Variants in GLB1L observed in about 807,000 individuals in gnomAD.
GLB1L encodes the protein galactosidase beta 1 like.
GLB1L carries 58 observed loss-of-function variants against 75.7 expected under a neutral mutation model. The observed-to-expected ratio is 0.77, with a 90% CI of 0.62 to 0.95. GLB1L has a LOEUF of 0.95. Among genes scored for constraint, GLB1L ranks in the 40% least tolerant of loss-of-function variants. GLB1L has a pLI of 0.00. For synonymous variants in GLB1L, 296 were observed against 303.0 expected, an observed-to-expected ratio of 0.98 and a Z score of 0.24; for missense variants, 797 against 805.5, an observed-to-expected ratio of 0.99 and a Z score of 0.13.
chr2:219,238,697 G>A lies in GLB1L; in HGVS notation c.1137+8C>T. 1 of 1,613,418 alleles carries A rather than the reference G, an allele frequency of 6.2e-7. No homozygotes were observed. Among genetic ancestry groups the A allele is most frequent in the Non-Finnish European group, 8.5e-7 (1 of 1,179,540 alleles). ...GTGGTATAAGAGAAAAGATGTGGAG[G>A]AACTTACCAGGTGCAGAGTCACAGG... is the stretch of plus-strand genomic sequence containing the variant. On this transcript the variant is annotated splice_region_variant and intron_variant, in intron 12 of 16. Transcript: ENST00000295759.
In GLB1L at chr2:219,242,875, T is replaced by G; in HGVS notation, c.283A>C (p.Asn95His). The change falls in exon 4 of 17, where the codon AAC becomes CAC. Residue 95 changes from asparagine to histidine, a missense_variant. Asn to His is a moderately conservative substitution (Grantham distance 68). Coordinates refer to ENST00000295759, the MANE Select transcript of GLB1L (RefSeq NM_001286423.2). The stretch of plus-strand genomic sequence containing the variant: ...ATGAGGTCCCGGCTGCCATTAAAGT[T>G]ATAGACCCCAGGCTGTGGCTCGTGG... ...NYHEPQPGVY[N>H]FNGSRDLIAF... 1 of 1,614,220 alleles carries G rather than the reference T, an allele frequency of 6.2e-7. No individual in the cohort carries two copies. Among genetic ancestry groups the G allele is most frequent in the Non-Finnish European group, 8.5e-7 (1 of 1,180,032 alleles).
intron 5 of GLB1L, among the ~76,000 whole-genome samples, chr2:219,241,659 T>A (rs1269575862): frequency 6.6e-6 from 1 of 151,110 alleles, no homozygotes; most frequent in Non-Finnish European, 1.5e-5. Context: ...AGAAGAGCAA[T>A]AATGTCGAGG....
chr2:219,237,296 C>G lies in GLB1L; in HGVS notation c.1741G>C (p.Gly581Arg). ...FNLGRYWTKQGPQQTLYVPRF... is the reference protein window; with the variant it reads ...FNLGRYWTKQRPQQTLYVPRF... ...GGCACGTAGAGGGTCTGTTGTGGCC[C>G]CTGCTTTGTCCAGTACCGGCCCAAG... The change falls in exon 17 of 17, where the codon GGG (glycine) becomes CGG (arginine). Residue 581 changes from glycine (G) to arginine (R), a missense_variant. Coordinates refer to ENST00000295759, the MANE Select transcript of GLB1L (RefSeq NM_001286423.2). 1 of 1,614,064 alleles carries G rather than the reference C, an allele frequency of 6.2e-7. No homozygotes were observed. The highest frequency in any genetic ancestry group is 8.5e-7 in the Non-Finnish European group (1 of 1,180,006).
chr2:219,241,844 T>G (rs1328652633), intron 5 of GLB1L, among the ~76,000 whole-genome samples: 7 of 151,962 alleles, frequency 4.6e-5, no homozygotes, highest in Admixed American at 3.9e-4. Context: ...GAGAACAGAT[T>G]GTATGGGGGA....
chr2:219,239,932 C>A lies in GLB1L; in HGVS notation c.709G>T (p.Asp237Tyr). The part of the protein sequence containing the change: ...GSLRGLYTTV[D>Y]FGPADNMTKI... Reference sequence around the variant, plus strand: ...CCTTGCTTGAGACCTGGGCCAAAATCTACAGTGGTATAGAGTCCCCGGAGG... The same window carrying A: ...CCTTGCTTGAGACCTGGGCCAAAATATACAGTGGTATAGAGTCCCCGGAGG... The change falls in exon 7 of 17, where the codon GAT (aspartate) becomes TAT (tyrosine). Residue 237 changes from aspartate to tyrosine, a missense_variant. Asp to Tyr is a radical substitution (Grantham distance 160, BLOSUM62 -3). Transcript: ENST00000295759. 6.2e-7 allele frequency: 1 copy of A among 1,614,164 alleles called. No homozygotes were observed. The highest frequency in any genetic ancestry group is 8.5e-7 in the Non-Finnish European group (1 of 1,180,050).
intron 2 of GLB1L, 68 bp from the exon 3 acceptor site, chr2:219,243,382 G>A: frequency 6.3e-7 from 1 of 1,590,294 alleles, no homozygotes; most frequent in Non-Finnish European, 8.6e-7. Context: ...CGCCTGCCAA[G>A]AGCGGAAGAG....
intron 5 of GLB1L, among the ~76,000 whole-genome samples, chr2:219,241,325 G>A (rs1296800067): frequency 2.0e-5 from 3 of 151,322 alleles, no homozygotes. Context: ...CTTGCAGTGA[G>A]CCGAGATTGC....
rs568780321 is a variant in GLB1L at position 219,237,335 on chromosome 2, T to C, written c.1702A>G (p.Ile568Val). ...TACCGGCCCAAGTTAAACCCATTGATCCAGACTTGGCCCTGGGGAATAGGG... is the reference window on the plus strand; with the variant it reads ...TACCGGCCCAAGTTAAACCCATTGACCCAGACTTGGCCCTGGGGAATAGGG... ...LPGWTKGQVWINGFNLGRYWT... is the reference protein window; with the variant it reads ...LPGWTKGQVWVNGFNLGRYWT... Residue 568 changes from isoleucine to valine, a missense_variant, in exon 17 of 17, where the codon ATC becomes GTC. Coordinates refer to ENST00000295759, the MANE Select transcript of GLB1L (RefSeq NM_001286423.2). 1.2e-6 allele frequency: 2 copies of C among 1,613,596 alleles called. No homozygotes were observed. The highest frequency in any genetic ancestry group is 1.1e-5 in the South Asian group (1 of 91,078).
At chr2:219,243,399 C>T in intron 2 of GLB1L, 85 bp from the exon 3 acceptor site, 6 of 1,593,668 alleles carry the variant, frequency 3.8e-6, no homozygotes, top group Non-Finnish European at 5.2e-6. Context: ...AGAGATGGAA[C>T]TAGCCCTGCG....
At chr2:219,244,867 C>T (rs1951489686) in intron 1 of GLB1L, among the ~76,000 whole-genome samples, 1 of 152,226 alleles carries the variant, frequency 6.6e-6, no homozygotes, top group Non-Finnish European at 1.5e-5. Context: ...CACACAACTA[C>T]GTTAACGGAG....
rs1951289948 is a variant in GLB1L, at chr2:219,237,915, A to G, written c.1384T>C (p.Phe462Leu). 1 of 1,614,146 alleles carries G rather than the reference A, an allele frequency of 6.2e-7. No homozygotes were observed. Among genetic ancestry groups the G allele is most frequent in the African/African-American group, 1.3e-5 (1 of 75,020 alleles). ...VVERNMRDKL[F>L]LTGKLGSKLD... ...TTGGACCCCAGTTTCCCCGTCAAAA[A>G]TAGTTTGTCTCTCATATTTCGCTCC... Residue 462 changes from phenylalanine (F) to leucine (L), a missense_variant, in exon 15 of 17, where the codon TTT becomes CTT. Physicochemically the swap from Phe to Leu is conservative, Grantham distance 22 (BLOSUM62 0). Coordinates refer to ENST00000295759, the MANE Select transcript of GLB1L (RefSeq NM_001286423.2).
intron 1 of GLB1L, among the ~76,000 whole-genome samples, chr2:219,244,407 C>A (rs1331116866): frequency 2.0e-5 from 3 of 152,144 alleles, no homozygotes; most frequent in African/African-American, 7.2e-5. Context: ...AAAACAGGTT[C>A]AGAACCAGGG....
rs373436592 is a variant in GLB1L at position 219,239,595 on chromosome 2, C to G, written c.868G>C (p.Glu290Gln). The change falls in exon 9 of 17, where the codon GAG becomes CAG. Residue 290 changes from glutamate (E) to glutamine (Q), a missense_variant. By Grantham distance (29) the Glu-to-Gln change is conservative (BLOSUM62 2). Transcript: ENST00000295759. Reference protein sequence around the residue: ...RSVSAVTKGLENMLKLGASVN... With the variant: ...RSVSAVTKGLQNMLKLGASVN... ...CTGGCTCCCAACTTGAGCATGTTCTCTAGTCCTTTGGTTACAGCTGACACA... is the reference window on the plus strand; with the variant it reads ...CTGGCTCCCAACTTGAGCATGTTCTGTAGTCCTTTGGTTACAGCTGACACA... 7.4e-6 allele frequency: 12 copies of G among 1,614,068 alleles called. No homozygotes were observed. The African/African-American group carries it at 1.3e-4, about 18-fold the overall frequency.
intron 3 of GLB1L, 38 bp from the exon 4 acceptor site, chr2:219,242,956 A>AACCAGG: frequency 6.2e-7 from 1 of 1,612,798 alleles, no homozygotes; most frequent in Non-Finnish European, 8.5e-7. Context: ...CAAGGTGAAG[A>AACCAGG]GACGCCAGGG....
At chr2:219,241,455 T>TATAC (rs1330390673) in intron 5 of GLB1L, among the ~76,000 whole-genome samples, 3 of 138,476 alleles carry the variant, frequency 2.2e-5, no homozygotes, top group Non-Finnish European at 4.7e-5. Context: ...TATATATATA[T>TATAC]ATATATATAT....
Position 219,242,854 on chromosome 2 carries a change from G to T in GLB1L, c.304C>A (p.Leu102Ile). 1 of 1,614,228 alleles carries T rather than the reference G, an allele frequency of 6.2e-7. No individual in the cohort carries two copies. The highest frequency in any genetic ancestry group is 8.5e-7 in the Non-Finnish European group (1 of 1,180,036). The change falls in exon 4 of 17, where the codon CTC becomes ATC. Residue 102 changes from leucine to isoleucine, a missense_variant. Leu to Ile is a conservative substitution (Grantham distance 5). Transcript: ENST00000295759. ...GVYNFNGSRD[L>I]IAFLNEAALA... is the part of the protein sequence containing the mutation. ...GCTGCCTCATTCAGAAAGGCAATGA[G>T]GTCCCGGCTGCCATTAAAGTTATAG...
At chr2:219,241,465 T>TATATATACACAC (rs1457421471) in intron 5 of GLB1L, among the ~76,000 whole-genome samples, 7 of 136,524 alleles carry the variant, frequency 5.1e-5, no homozygotes, top group Admixed American at 4.9e-4. Context: ...TATATATATA[T>TATATATACACAC]ACATACATAT....
intron 4 of GLB1L, 30 bp from the exon 5 acceptor site, chr2:219,242,604 C>G: frequency 6.2e-7 from 1 of 1,603,514 alleles, no homozygotes; most frequent in East Asian, 2.2e-5. Flanking sequence ...AACAAAGAAG[C>G]ATGTAGGTTT....
chr2:219,238,219 T>G (rs1471356268), intron 14 of GLB1L, 31 bp downstream of exon 14: 1 of 1,452,414 alleles, frequency 6.9e-7, no homozygotes, highest in Non-Finnish European at 9.5e-7. Flanking sequence ...GGGAGGAGTT[T>G]GGGGCTCACA....
Sources: gnomAD v4.1 joint callset for allele counts (sites outside exome capture counted in the v4.1 genomes callset) on GRCh38, gnomAD v4.1.1 for gene constraint, MANE v1.5 for transcripts, NCBI Gene and HGNC (gene_info 2026-07-23, HGNC 2026-07-21) for gene names.